LRRC37A2: variants seen among roughly 807,000 people sequenced by gnomAD.
The protein encoded by LRRC37A2 is leucine rich repeat containing 37 member A2, also known as leucine-rich repeat-containing protein 37A2.
A neutral mutation model predicts 68.8 loss-of-function variants in LRRC37A2; 9 were observed. The observed-to-expected ratio is 0.13, with a 90% confidence interval of 0.08 to 0.23. The LOEUF is 0.23. LRRC37A2 is among the 10% of genes least tolerant of loss of function. The probability of loss-of-function intolerance (pLI) is 1.00; values close to 1 mark genes in which losing one functional copy is unlikely to be tolerated. For synonymous variants in LRRC37A2, 63 were observed against 367.6 expected, an observed-to-expected ratio of 0.17 and a Z score of 9.48; for missense variants, 168 against 950.4, an observed-to-expected ratio of 0.18 and a Z score of 10.82.
At chr17:46,773,978 G>A in the LRRC37A2 span, 263 of 1,566,296 alleles carry the variant, frequency 1.7e-4, 1 homozygote, top group East Asian at 5.3e-3. Flanking sequence ...CACCATGGCC[G>A]CTTTGTGAAC....
At chr17:46,622,528 A>G in the LRRC37A2 span, among the ~76,000 whole-genome samples, 1 of 149,622 alleles carries the variant, frequency 6.7e-6, no homozygotes, top group South Asian at 2.1e-4. Flanking sequence ...CACGCCTGTA[A>G]TCCTAGCACT....
chr17:46,974,875 G>A, the LRRC37A2 span, among the ~76,000 whole-genome samples: 110,732 of 152,062 alleles, frequency 0.73, 41,178 homozygotes, highest in Non-Finnish European at 0.8. Flanking sequence ...AACCTTCTTC[G>A]AGGGAGTGGA....
At chr17:46,923,268 A>T in the LRRC37A2 span, 1 of 1,550,204 alleles carries the variant, frequency 6.5e-7, no homozygotes. Context: ...AGGCGAGGCC[A>T]GGTGAGCCTG....
chr17:46,889,002 A>T, the LRRC37A2 span, among the ~76,000 whole-genome samples: 1 of 152,134 alleles, frequency 6.6e-6, no homozygotes, highest in Non-Finnish European at 1.5e-5. Context: ...TTAGCCCCTT[A>T]CTGACCCTAA....
chr17:46,534,809 GC>G (rs2054366090), intron 6 of LRRC37A2, among the ~76,000 whole-genome samples: 1 of 147,160 alleles, frequency 6.8e-6, no homozygotes, highest in African/African-American at 2.7e-5. Context: ...GGAGGGGGCG[GC>G]TGGCCAGGCG....
At chr17:46,739,370 C>CAAAA in the LRRC37A2 span, among the ~76,000 whole-genome samples, 34 of 53,134 alleles carry the variant, frequency 6.4e-4, 1 homozygote, top group East Asian at 3.6e-3. Flanking sequence ...GACTCTGTCT[C>CAAAA]AAAAAAAAAA....
chr17:46,920,117 C>T, the LRRC37A2 span, among the ~76,000 whole-genome samples: 2 of 152,198 alleles, frequency 1.3e-5, no homozygotes, highest in African/African-American at 4.8e-5. Flanking sequence ...CCCTCCTCTT[C>T]ATCTCTACCA....
the LRRC37A2 span, among the ~76,000 whole-genome samples, chr17:46,774,753 G>A: frequency 6.6e-6 from 1 of 152,192 alleles, no homozygotes; most frequent in Admixed American, 6.5e-5. Context: ...GGGTGGGGCA[G>A]AAGAGTTTAA....
the LRRC37A2 span, chr17:46,929,861 A>C: frequency 5.0e-6 from 2 of 403,606 alleles, no homozygotes; most frequent in South Asian, 2.7e-5. Flanking sequence ...TAATCTAATT[A>C]CCTAGTCCTT....
At chr17:46,747,860 T>C in the LRRC37A2 span, among the ~76,000 whole-genome samples, 1 of 152,258 alleles carries the variant, frequency 6.6e-6, no homozygotes, top group South Asian at 2.1e-4. Flanking sequence ...GAAATGTATT[T>C]CCTAGAACTG....
the LRRC37A2 span, among the ~76,000 whole-genome samples, chr17:46,610,103 CT>C: frequency 1.4e-5 from 1 of 73,308 alleles, no homozygotes; most frequent in African/African-American, 3.9e-5. Flanking sequence ...CTCTCTTTCT[CT>C]CTCTCTCTCT....
chr17:47,020,271 T>A, the LRRC37A2 span, among the ~76,000 whole-genome samples: 102,475 of 124,868 alleles, frequency 0.82, 43,068 homozygotes, highest in East Asian at 0.98. Context: ...CATGCTAGTT[T>A]GCATTTCATA....
chr17:46,953,335 A>G, the LRRC37A2 span, among the ~76,000 whole-genome samples: 1 of 152,092 alleles, frequency 6.6e-6, no homozygotes, highest in Admixed American at 6.5e-5. Context: ...GCTGAGAATG[A>G]TGGTTTCCAG....
the LRRC37A2 span, among the ~76,000 whole-genome samples, chr17:46,753,223 TGATGGTC>T: frequency 6.6e-6 from 1 of 152,250 alleles, no homozygotes; most frequent in South Asian, 2.1e-4. Context: ...TGTTACTTAC[TGATGGTC>T]CTGCATTCTG....
At chr17:46,836,243 C>G in the LRRC37A2 span, among the ~76,000 whole-genome samples, 16 of 151,788 alleles carry the variant, frequency 1.1e-4, no homozygotes, top group South Asian at 2.5e-3. Flanking sequence ...CAAAAGAGTG[C>G]GGAGGAAGTG....
the LRRC37A2 span, among the ~76,000 whole-genome samples, chr17:46,874,721 G>T: frequency 6.6e-6 from 1 of 152,080 alleles, no homozygotes; most frequent in Non-Finnish European, 1.5e-5. Flanking sequence ...GGGAATATTG[G>T]CATGTACCAC....
the LRRC37A2 span, among the ~76,000 whole-genome samples, chr17:46,986,030 G>A: frequency 6.6e-6 from 1 of 152,106 alleles, no homozygotes; most frequent in Admixed American, 6.5e-5. Flanking sequence ...ATAGTTCTGC[G>A]AGGTCTGCAA....
the LRRC37A2 span, among the ~76,000 whole-genome samples, chr17:46,905,034 A>G: frequency 7.2e-5 from 11 of 151,968 alleles, no homozygotes; most frequent in Non-Finnish European, 1.5e-4. Flanking sequence ...TCTACATTGG[A>G]TAAAGGGGAA....
At chr17:46,455,663 GAC>G in the LRRC37A2 span, among the ~76,000 whole-genome samples, 5 of 137,358 alleles carry the variant, frequency 3.6e-5, no homozygotes, top group Admixed American at 2.2e-4. Context: ...TTTCCATGGC[GAC>G]ACACTATTTA....
Sources: allele counts gnomAD v4.1 joint callset (sites outside exome capture counted in the v4.1 genomes callset), GRCh38; gene constraint gnomAD v4.1.1; transcripts MANE v1.5; gene names NCBI Gene and HGNC (gene_info 2026-07-23, HGNC 2026-07-21).